Variants in PKHD1 observed in about 807,000 individuals in gnomAD.
PKHD1 encodes the protein fibrocystin.
In PKHD1, 291 loss-of-function variants were observed where a neutral mutation model predicts 412.0. The observed-to-expected ratio is 0.71, with a 90% CI of 0.64 to 0.78. The LOEUF (loss-of-function observed/expected upper bound fraction) is 0.78. Ranked by LOEUF, PKHD1 falls within the 30% of genes least tolerant of loss-of-function variation. The pLI, the probability that PKHD1 is intolerant of heterozygous loss-of-function variation, is 0.00. For synonymous variants in PKHD1, 1,777 were observed against 1,821.5 expected, an observed-to-expected ratio of 0.98 and a Z score of 0.62; for missense variants, 4,825 against 4,950.7, an observed-to-expected ratio of 0.97 and a Z score of 0.76.
intron 23 of PKHD1, among the ~76,000 whole-genome samples, chr6:52,047,349 C>A (rs533886966): frequency 1.3e-5 from 2 of 152,156 alleles, no homozygotes; most frequent in Non-Finnish European, 2.9e-5. Flanking sequence ...CCACTCTGTT[C>A]CTCTCACCCA....
intron 35 of PKHD1, among the ~76,000 whole-genome samples, chr6:51,993,359 A>C (rs1797274286): frequency 6.6e-6 from 1 of 152,330 alleles, no homozygotes; most frequent in South Asian, 2.1e-4. Flanking sequence ...CTGACGTCTC[A>C]TTATGCACCA....
At chr6:51,913,564 G>C (rs1490224754) in intron 37 of PKHD1, among the ~76,000 whole-genome samples, 2 of 152,056 alleles carry the variant, frequency 1.3e-5, no homozygotes, top group Non-Finnish European at 2.9e-5. Flanking sequence ...TCTTTCTGTA[G>C]TACATTTCCT....
At chr6:51,977,558 AG>A (rs1794621912) in intron 35 of PKHD1, among the ~76,000 whole-genome samples, 1 of 152,146 alleles carries the variant, frequency 6.6e-6, no homozygotes, top group African/African-American at 2.4e-5. Flanking sequence ...CCCAAAGCAG[AG>A]CTACCCTCAC....
In PKHD1 at chr6:52,056,748, T is replaced by C. The variant is rs145163993; in HGVS notation, c.1643A>G (p.Lys548Arg). 83 of 1,614,024 alleles carry C rather than the reference T, an allele frequency of 5.1e-5. 1 individual carries two copies. In the African/African-American group the frequency reaches 8.7e-4, roughly 17 times the overall value. Reference sequence around the variant, plus strand: ...GATGTTAGACCAAAGGGGTTCCAGTTTGCATTTTACTGCAAGTAACTCCTC... The same window carrying C: ...GATGTTAGACCAAAGGGGTTCCAGTCTGCATTTTACTGCAAGTAACTCCTC... The part of the protein sequence containing the change: ...TIEELLAVKC[K>R]LEPLWSNILL... Residue 548 changes from lysine (K) to arginine (R), a missense_variant, in exon 18 of 67, where the codon AAA becomes AGA. By Grantham distance (26) the Lys-to-Arg change is conservative. Transcript: ENST00000371117.
At chr6:51,702,437 T>C (rs954666964) in intron 60 of PKHD1, among the ~76,000 whole-genome samples, 2 of 151,596 alleles carry the variant, frequency 1.3e-5, no homozygotes, top group Non-Finnish European at 2.9e-5. Context: ...GGGGAAAAGA[T>C]AGGAGGCAGG....
intron 52 of PKHD1, among the ~76,000 whole-genome samples, chr6:51,815,429 G>A (rs1765292648): frequency 6.6e-6 from 1 of 152,034 alleles, no homozygotes. Flanking sequence ...GAGTGTTAAA[G>A]GACAAAAATA....
At chr6:51,835,152 T>C (rs1221513408) in intron 51 of PKHD1, among the ~76,000 whole-genome samples, 1 of 152,194 alleles carries the variant, frequency 6.6e-6, no homozygotes. Flanking sequence ...GCTCTGAATG[T>C]TCCTTCCAGA....
intron 35 of PKHD1, among the ~76,000 whole-genome samples, chr6:51,961,767 G>A (rs1051183446): frequency 3.3e-5 from 5 of 152,076 alleles, no homozygotes; most frequent in South Asian, 2.1e-4. Flanking sequence ...TGTCAGCTGC[G>A]AGTCCATGAT....
chr6:51,664,405 G>A (rs1773376306), intron 60 of PKHD1, among the ~76,000 whole-genome samples: 1 of 152,230 alleles, frequency 6.6e-6, no homozygotes, highest in Admixed American at 6.5e-5. Flanking sequence ...GAAAGTGTGT[G>A]ATGCAGAGCC....
At chr6:51,901,168 G>A (rs1255589435) in intron 43 of PKHD1, among the ~76,000 whole-genome samples, 1 of 152,168 alleles carries the variant, frequency 6.6e-6, no homozygotes, top group African/African-American at 2.4e-5. Flanking sequence ...CCATTACTGG[G>A]TATATAAACC....
intron 60 of PKHD1, among the ~76,000 whole-genome samples, chr6:51,704,122 A>T (rs1779750938): frequency 6.6e-6 from 1 of 152,056 alleles, no homozygotes; most frequent in Non-Finnish European, 1.5e-5. Context: ...CACCTGTAGA[A>T]AGGGAGTTTA....
intron 45 of PKHD1, among the ~76,000 whole-genome samples, chr6:51,884,826 C>T (rs942998259): frequency 1.3e-5 from 2 of 150,876 alleles, no homozygotes; most frequent in Non-Finnish European, 2.9e-5. Flanking sequence ...CATAAGAGGG[C>T]ACTCAACAAA....
chr6:51,843,768 G>T (rs1003928015), intron 50 of PKHD1, among the ~76,000 whole-genome samples: 1 of 152,200 alleles, frequency 6.6e-6, no homozygotes, highest in Admixed American at 6.5e-5. Context: ...TGCACACAAG[G>T]TTCTTCACTT....
intron 40 of PKHD1, 54 bp from the exon 41 acceptor site, chr6:51,906,394 A>G: frequency 6.7e-7 from 1 of 1,494,662 alleles, no homozygotes; most frequent in Non-Finnish European, 9.3e-7. Context: ...GATTCTGTTG[A>G]CCATATTTAG....
At chr6:51,944,265 C>A (rs1341020995) in intron 36 of PKHD1, among the ~76,000 whole-genome samples, 6 of 151,958 alleles carry the variant, frequency 3.9e-5, no homozygotes, top group Non-Finnish European at 8.8e-5. Context: ...GAGAACAACC[C>A]CCCTTTTTCC....
At chr6:52,055,000 C>A (rs755682851) in intron 19 of PKHD1, among the ~76,000 whole-genome samples, 29 of 152,240 alleles carry the variant, frequency 1.9e-4, no homozygotes, top group Non-Finnish European at 3.2e-4. Context: ...AGCTGCACTT[C>A]TTTTACAAGG....
chr6:51,716,759 G>A (rs1178808462), intron 60 of PKHD1, among the ~76,000 whole-genome samples: 1 of 151,944 alleles, frequency 6.6e-6, no homozygotes, highest in African/African-American at 2.4e-5. Context: ...ATAGACATCA[G>A]GAGAAAAAAA....
At chr6:51,877,057 G>A (rs1776728097) in intron 46 of PKHD1, among the ~76,000 whole-genome samples, 1 of 37,104 alleles carries the variant, frequency 2.7e-5, no homozygotes, top group Non-Finnish European at 4.1e-5. Context: ...TCAACAAGAG[G>A]AGCTAACTAT....
intron 36 of PKHD1, among the ~76,000 whole-genome samples, chr6:51,942,520 G>T (rs541747388): frequency 1.3e-5 from 2 of 151,398 alleles, no homozygotes; most frequent in South Asian, 4.2e-4. Context: ...CTCACTTTTT[G>T]TTGAGTCTCC....
Sources: allele counts gnomAD v4.1 joint callset (sites outside exome capture counted in the v4.1 genomes callset), GRCh38; gene constraint gnomAD v4.1.1; transcripts MANE v1.5; gene names NCBI Gene and HGNC (gene_info 2026-07-23, HGNC 2026-07-21).